Variants in TCF7L1 observed in about 807,000 individuals in gnomAD.
TCF7L1 encodes transcription factor 7-like 1.
TCF7L1 carries 18 observed loss-of-function variants against 63.7 expected under a neutral mutation model. The ratio of observed to expected loss-of-function variants is 0.28; its 90% CI spans 0.20 to 0.42. TCF7L1 has a LOEUF of 0.42. Ranked by LOEUF, TCF7L1 falls within the 10% of genes least tolerant of loss-of-function variation. The probability of loss-of-function intolerance (pLI) is 1.00; values close to 1 mark genes in which losing one functional copy is unlikely to be tolerated. For missense variants in TCF7L1, 654 were observed against 779.3 expected (o/e 0.84, Z 1.91); for synonymous variants, 355 against 340.9 (o/e 1.04, Z -0.46).
At chr2:85,203,117 G>A (rs1679314775) in intron 3 of TCF7L1, among the ~76,000 whole-genome samples, 1 of 152,146 alleles carries the variant, frequency 6.6e-6, no homozygotes, top group African/African-American at 2.4e-5. Flanking sequence ...TTACAGGCAT[G>A]AGCCACCGCG....
At position 85,234,500 on chromosome 2, in the gene TCF7L1, T is replaced by C. The variant is rs143261588; in HGVS notation, c.442-48995T>C. Among the ~76,000 whole-genome samples, 431 of 152,282 alleles carry C rather than the reference T, an allele frequency of 2.8e-3. 1 individual carries two copies. Among genetic ancestry groups the C allele is most frequent in the African/African-American group, 1.0e-2 (415 of 41,548 alleles). Reference sequence around the variant, plus strand: ...ACTCTGCCTGGTAAGTTACAGATGGTACTGCATCTTTTGAAGGAATGCCCC... The same window carrying C: ...ACTCTGCCTGGTAAGTTACAGATGGCACTGCATCTTTTGAAGGAATGCCCC... On this transcript the variant is annotated intron_variant, in intron 3 of 11. Transcript: ENST00000282111.
At chr2:85,302,018 C>T (rs1253636802) in intron 4 of TCF7L1, among the ~76,000 whole-genome samples, 1 of 152,078 alleles carries the variant, frequency 6.6e-6, no homozygotes, top group Non-Finnish European at 1.5e-5. Flanking sequence ...ATCCCAGCTA[C>T]TCCAGAGGCT....
intron 3 of TCF7L1, among the ~76,000 whole-genome samples, chr2:85,204,115 A>G (rs888126148): frequency 1.3e-5 from 2 of 152,180 alleles, no homozygotes; most frequent in Non-Finnish European, 2.9e-5. Flanking sequence ...TACAAGTAAA[A>G]TGAAATTCTT....
Position 85,134,072 on chromosome 2 carries a change from C to A in TCF7L1, c.306C>A (p.Phe102Leu). ...CTTTCCAGAAGCCGCGGGACTATTTCGCCGAAGGTATGTGCCCGCTGGGAC... is the reference window on the plus strand; with the variant it reads ...CTTTCCAGAAGCCGCGGGACTATTTAGCCGAAGGTATGTGCCCGCTGGGAC... Reference protein sequence around the residue: ...RDTFQKPRDYFAEVRRPQDSA... With the variant: ...RDTFQKPRDYLAEVRRPQDSA... The change falls in exon 2 of 12, where the codon TTC becomes TTA. Residue 102 changes from phenylalanine (F) to leucine (L), a missense_variant. Physicochemically the swap from Phe to Leu is conservative, Grantham distance 22. Around this residue, in one of 3 missense-constraint regions of TCF7L1, gnomAD observed 404 missense variants for 454.8 expected, o/e 0.89. Transcript: ENST00000282111. The surrounding 1 kb of genome is among the most constrained non-coding windows in gnomAD (Gnocchi z 5.0). The A allele has an allele frequency of 6.2e-7, 1 of 1,610,092 alleles. No individual in the cohort carries two copies. The highest frequency in any genetic ancestry group is 1.1e-5 in the South Asian group (1 of 90,564).
At chr2:85,155,187 C>G (rs2104211165) in intron 3 of TCF7L1, among the ~76,000 whole-genome samples, 1 of 152,268 alleles carries the variant, frequency 6.6e-6, no homozygotes, top group South Asian at 2.1e-4. Context: ...CGAATGGGTA[C>G]TTGGAGAACT....
In TCF7L1 at chr2:85,305,377, C is replaced by T; in HGVS notation, c.963C>T (p.Pro321=). 6.2e-7 allele frequency: 1 copy of T among 1,613,350 alleles called. No individual in the cohort carries two copies. The highest frequency in any genetic ancestry group is 1.1e-5 in the South Asian group (1 of 90,986). ...CCATCGTCAAGCAGGAACCGGCACC[C>T]CCCAGCCTGAGCCCTGCAGTGAGCG... ...VSPIVKQEPA[P]PSLSPAVSVK... The change falls in exon 8 of 12, where the codon CCC becomes CCT. Residue 321 remains proline, a synonymous_variant. Transcript: ENST00000282111.
intron 3 of TCF7L1, among the ~76,000 whole-genome samples, chr2:85,247,861 G>T (rs1680501012): frequency 6.6e-6 from 1 of 152,150 alleles, no homozygotes; most frequent in Non-Finnish European, 1.5e-5. Flanking sequence ...GGTTTGCGGT[G>T]ACTTTCCCAG....
intron 3 of TCF7L1, among the ~76,000 whole-genome samples, chr2:85,195,506 T>G (rs928694227): frequency 6.6e-6 from 1 of 152,204 alleles, no homozygotes; most frequent in African/African-American, 2.4e-5. Flanking sequence ...ATTTTCTTGC[T>G]TGCTTGCTTT....
intron 3 of TCF7L1, among the ~76,000 whole-genome samples, chr2:85,219,595 C>T (rs1679798142): frequency 6.6e-6 from 1 of 152,016 alleles, no homozygotes. Context: ...AAGTAAGTGG[C>T]TAGGCTGGGC....
chr2:85,208,549 G>A (rs1005188856), intron 3 of TCF7L1, among the ~76,000 whole-genome samples: 3 of 152,166 alleles, frequency 2.0e-5, no homozygotes, highest in Admixed American at 1.3e-4. Flanking sequence ...GGGATGAACC[G>A]TATCCAGTTC....
rs1553407867 is a variant in TCF7L1, at chr2:85,294,045, T to TTTTTTC, written c.526-8434_526-8433insCTTTTT. Among the ~76,000 whole-genome samples the TTTTTTC allele has an allele frequency of 8.6e-4, 97 of 113,446 alleles. 3 individuals carry two copies. The highest frequency in any genetic ancestry group is 4.0e-3 in the East Asian group (12 of 2,990). The allele number at this position is 113,446 out of a possible 152,430, so 74.4% of individuals were successfully genotyped here. Reference sequence around the variant, plus strand: ...ACTGGGATTTTTTTTTTTTTTTTTTTTTTTTTTTTGAGATGGGGTCTCCCT... The same window carrying TTTTTTC: ...ACTGGGATTTTTTTTTTTTTTTTTTTTTTTTCTTTTTTTTTGAGATGGGGTCTCCCT... On this transcript the variant is annotated intron_variant, in intron 4 of 11. Coordinates refer to ENST00000282111, the MANE Select transcript of TCF7L1 (RefSeq NM_031283.3).
At chr2:85,204,428 G>T (rs184658483) in intron 3 of TCF7L1, among the ~76,000 whole-genome samples, 8 of 151,836 alleles carry the variant, frequency 5.3e-5, no homozygotes, top group Admixed American at 2.6e-4. Context: ...ATGTTGGTAG[G>T]CATGTTAAGA....
At chr2:85,189,220 C>T (rs1572983597) in intron 3 of TCF7L1, among the ~76,000 whole-genome samples, 1 of 151,398 alleles carries the variant, frequency 6.6e-6, no homozygotes, top group Non-Finnish European at 1.5e-5. Context: ...TTTTTTTTTT[C>T]CTGGAATATA....
At chr2:85,215,888 G>T (rs937767819) in intron 3 of TCF7L1, among the ~76,000 whole-genome samples, 1 of 152,072 alleles carries the variant, frequency 6.6e-6, no homozygotes. Flanking sequence ...AATGTAATTT[G>T]TTCAGGCAGT....
chr2:85,265,470 A>C (rs1314372136), intron 3 of TCF7L1, among the ~76,000 whole-genome samples: 2 of 152,314 alleles, frequency 1.3e-5, no homozygotes, highest in South Asian at 4.1e-4. Flanking sequence ...ACCTTCCCCC[A>C]GAGGGGAATC....
chr2:85,203,588 G>T (rs1410112910), intron 3 of TCF7L1, among the ~76,000 whole-genome samples: 1 of 152,068 alleles, frequency 6.6e-6, no homozygotes, highest in Non-Finnish European at 1.5e-5. Flanking sequence ...AATTAGCCAG[G>T]CGTGGTGGTG....
chr2:85,226,816 CTTT>C (rs58016100), intron 3 of TCF7L1, among the ~76,000 whole-genome samples: 5,695 of 137,322 alleles, frequency 0.041, 119 homozygotes, highest in Non-Finnish European at 0.046. Context: ...CTCCCCCCGC[CTTT>C]TTTTTTTTTT....
At chr2:85,239,420 G>C (rs1168374533) in intron 3 of TCF7L1, among the ~76,000 whole-genome samples, 1 of 151,974 alleles carries the variant, frequency 6.6e-6, no homozygotes, top group Non-Finnish European at 1.5e-5. Context: ...TCCTCTATGT[G>C]CAAACTCATC....
rs66697146 is a variant in TCF7L1, at chr2:85,153,340, A to ATTTTTTTTTTTTTTTTTTTTTTTTTTTT, written c.441+18909_441+18910insTTTTTTTTTTTTTTTTTTTTTTTTTTTT. 1.1e-4 allele frequency among the ~76,000 whole-genome samples: 11 copies of ATTTTTTTTTTTTTTTTTTTTTTTTTTTT among 102,272 alleles called. 2 individuals carry two copies. Among genetic ancestry groups the ATTTTTTTTTTTTTTTTTTTTTTTTTTTT allele is most frequent in the African/African-American group, 4.6e-4 (11 of 23,754 alleles). The allele number at this position is 102,272 out of a possible 152,430, so 67.1% of individuals were successfully genotyped here. Reference sequence around the variant, plus strand: ...TTCATGATCTTGCTAGCCTTTATAAATTTTTTTTTTTTTTTTTTTGAGATG... The same window carrying ATTTTTTTTTTTTTTTTTTTTTTTTTTTT: ...TTCATGATCTTGCTAGCCTTTATAAATTTTTTTTTTTTTTTTTTTTTTTTTTTTTTTTTTTTTTTTTTTTTTTGAGATG... On this transcript the variant is annotated intron_variant, in intron 3 of 11. Transcript: ENST00000282111.
Sources: gnomAD v4.1 joint callset for allele counts (sites outside exome capture counted in the v4.1 genomes callset) on GRCh38, gnomAD v4.1.1 for gene constraint, gnomAD v4.1.1 regional missense constraint, Gnocchi (gnomAD v3.1) non-coding constraint, MANE v1.5 for transcripts, NCBI Gene and HGNC (gene_info 2026-07-23, HGNC 2026-07-21) for gene names.